TMEM132C: variants seen among roughly 807,000 people sequenced by gnomAD.
TMEM132C encodes the protein transmembrane protein 132C.
TMEM132C carries 29 observed loss-of-function variants against 61.4 expected under a neutral mutation model. The observed-to-expected ratio is 0.47, with a 90% CI of 0.35 to 0.64. The LOEUF is 0.64. Ranked by LOEUF, TMEM132C falls within the 30% of genes least tolerant of loss-of-function variation. TMEM132C has a pLI of 0.00. For synonymous variants in TMEM132C, 656 were observed against 633.1 expected, an observed-to-expected ratio of 1.04 and a Z score of -0.54; for missense variants, 1,408 against 1,476.9, an observed-to-expected ratio of 0.95 and a Z score of 0.76.
intron 2 of TMEM132C, among the ~76,000 whole-genome samples, chr12:128,517,310 C>T (rs1043238813): frequency 2.0e-5 from 3 of 151,726 alleles, no homozygotes; most frequent in Admixed American, 6.6e-5. Flanking sequence ...GGTGACACGC[C>T]TGTAATCCCA....
At chr12:128,489,374 C>T (rs1041669638) in intron 2 of TMEM132C, among the ~76,000 whole-genome samples, 6 of 124,836 alleles carry the variant, frequency 4.8e-5, no homozygotes, top group Non-Finnish European at 1.1e-4. Flanking sequence ...AGAATAAAAG[C>T]TGGAAAAAAA....
At chr12:128,402,650 T>C (rs764803819) in intron 1 of TMEM132C, among the ~76,000 whole-genome samples, 2 of 152,088 alleles carry the variant, frequency 1.3e-5, no homozygotes, top group Non-Finnish European at 2.9e-5. Flanking sequence ...CCAAGCCACA[T>C]TGTGGGTGGT....
intron 2 of TMEM132C, among the ~76,000 whole-genome samples, chr12:128,491,358 C>A (rs1871712678): frequency 6.6e-6 from 1 of 152,162 alleles, no homozygotes; most frequent in Non-Finnish European, 1.5e-5. Context: ...TTGATTCTGT[C>A]CATGAATTTT....
At chr12:128,589,133 A>T (rs11059783) in intron 3 of TMEM132C, among the ~76,000 whole-genome samples, 73,641 of 151,858 alleles carry the variant, frequency 0.48, 19,856 homozygotes, top group East Asian at 0.71. Context: ...GGTTCCCTAC[A>T]TATGGAGAGG....
intron 5 of TMEM132C, among the ~76,000 whole-genome samples, chr12:128,680,914 C>A (rs1361078747): frequency 6.6e-6 from 1 of 152,170 alleles, no homozygotes. Context: ...TCTCACGGAC[C>A]TTGCAGCTGG....
rs908419610 is a variant in TMEM132C at position 128,371,733 on chromosome 12, G to A, written c.86-42999G>A. 2.0e-5 allele frequency among the ~76,000 whole-genome samples: 3 copies of A among 152,164 alleles called. No homozygotes were observed. In the East Asian group the frequency reaches 5.8e-4, roughly 29 times the overall value. On this transcript the variant is annotated intron_variant, in intron 1 of 8. Coordinates refer to ENST00000435159, the MANE Select transcript of TMEM132C (RefSeq NM_001136103.3). ...AACTAAAGGCACATGTCACCATGCT[G>A]TGCTAACATATTTTTAAAATTTTTT...
intron 3 of TMEM132C, among the ~76,000 whole-genome samples, chr12:128,589,041 G>T (rs911865869): frequency 6.6e-6 from 1 of 152,136 alleles, no homozygotes. Context: ...CAGTCAGCGA[G>T]CCTGAAAGCA....
At chr12:128,535,314 G>T (rs1223063518) in intron 2 of TMEM132C, among the ~76,000 whole-genome samples, 4 of 152,072 alleles carry the variant, frequency 2.6e-5, no homozygotes, top group Admixed American at 1.3e-4. Flanking sequence ...CTACAGAATG[G>T]GAGAAAATGT....
intron 1 of TMEM132C, 42 bp downstream of exon 1, chr12:128,267,529 C>T (rs1255280760): frequency 1.6e-6 from 2 of 1,225,166 alleles, no homozygotes; most frequent in South Asian, 3.5e-5. Context: ...CGCATGCGAA[C>T]TTCCCGGTTC....
chr12:128,360,710 A>G (rs993107249), intron 1 of TMEM132C, among the ~76,000 whole-genome samples: 1 of 152,058 alleles, frequency 6.6e-6, no homozygotes, highest in Non-Finnish European at 1.5e-5. Flanking sequence ...CTGGAGTTTG[A>G]GTTTTGAGCA....
chr12:128,363,845 GAAAAA>G (rs528314942), intron 1 of TMEM132C, among the ~76,000 whole-genome samples: 1 of 101,384 alleles, frequency 9.9e-6, no homozygotes, highest in Non-Finnish European at 1.9e-5. Context: ...ACTCTGTCTC[GAAAAA>G]AAAAAAAAAA....
chr12:128,536,378 C>A (rs1276348935), intron 2 of TMEM132C, among the ~76,000 whole-genome samples: 1 of 152,020 alleles, frequency 6.6e-6, no homozygotes, highest in African/African-American at 2.4e-5. Flanking sequence ...ACATCACACA[C>A]CAGGGCCTGT....
intron 1 of TMEM132C, among the ~76,000 whole-genome samples, chr12:128,386,283 G>A (rs73159816): frequency 0.12 from 17,525 of 152,162 alleles, 1,237 homozygotes; most frequent in Non-Finnish European, 0.16. Flanking sequence ...AAGTGGCACC[G>A]TTTCTCTCTT....
chr12:128,271,190 G>T (rs1870501585), intron 1 of TMEM132C, among the ~76,000 whole-genome samples: 1 of 151,660 alleles, frequency 6.6e-6, no homozygotes, highest in Non-Finnish European at 1.5e-5. Context: ...GGAGTTGGAG[G>T]TTGCAGTGAG....
chr12:128,514,650 C>T (rs183955701), intron 2 of TMEM132C, among the ~76,000 whole-genome samples: 2 of 152,222 alleles, frequency 1.3e-5, no homozygotes, highest in East Asian at 3.9e-4. Context: ...TGACGGAGAC[C>T]TCTGTGAACA....
At chr12:128,360,282 C>CT (rs1873661543) in intron 1 of TMEM132C, among the ~76,000 whole-genome samples, 1 of 133,224 alleles carries the variant, frequency 7.5e-6, no homozygotes, top group South Asian at 2.5e-4. Context: ...ACACACACAC[C>CT]CCAGGATAAC....
intron 2 of TMEM132C, among the ~76,000 whole-genome samples, chr12:128,441,575 C>A (rs1869788571): frequency 6.6e-6 from 1 of 152,196 alleles, no homozygotes; most frequent in African/African-American, 2.4e-5. Context: ...GTGTCCCCTG[C>A]AGTCACCTGC....
At chr12:128,661,670 A>G (rs1954392201) in intron 4 of TMEM132C, among the ~76,000 whole-genome samples, 1 of 152,234 alleles carries the variant, frequency 6.6e-6, no homozygotes, top group Admixed American at 6.5e-5. Flanking sequence ...ATGGAAAAGT[A>G]AAATATAGAA....
At chr12:128,413,550 G>A (rs1313375034) in intron 1 of TMEM132C, among the ~76,000 whole-genome samples, 4 of 151,718 alleles carry the variant, frequency 2.6e-5, no homozygotes, top group Non-Finnish European at 5.9e-5. Context: ...GGTAATTTTT[G>A]TCAGTCTTAT....
Sources: allele counts gnomAD v4.1 joint callset (sites outside exome capture counted in the v4.1 genomes callset), GRCh38; gene constraint gnomAD v4.1.1; transcripts MANE v1.5; gene names NCBI Gene and HGNC (gene_info 2026-07-23, HGNC 2026-07-21).